The following STK32C variants were observed in gnomAD, a reference collection of about 807,000 sequenced individuals.
STK32C encodes the protein serine/threonine kinase 32C, also known as serine/threonine-protein kinase 32C.
STK32C carries 31 observed loss-of-function variants against 56.5 expected under a neutral mutation model. The observed-to-expected ratio is 0.55, with a 90% CI of 0.41 to 0.74. The LOEUF is 0.74. Among genes scored for constraint, STK32C ranks in the 30% least tolerant of loss-of-function variants. The pLI, the probability that STK32C is intolerant of heterozygous loss-of-function variation, is 0.00. For missense variants in STK32C, 544 were observed against 676.9 expected (o/e 0.80, Z 2.18); for synonymous variants, 309 against 289.4 (o/e 1.07, Z -0.69).
chr10:132,269,118 C>T (rs1565131432), intron 1 of STK32C, among the ~76,000 whole-genome samples: 1 of 148,668 alleles, frequency 6.7e-6, no homozygotes, highest in East Asian at 2.0e-4. Flanking sequence ...TGTGTGTGTG[C>T]CTGCGTGTGT....
intron 1 of STK32C, among the ~76,000 whole-genome samples, chr10:132,264,343 C>T (rs1441429074): frequency 6.6e-6 from 1 of 152,188 alleles, no homozygotes; most frequent in Non-Finnish European, 1.5e-5. Flanking sequence ...TCAGGTGGCC[C>T]CATGTGGATG....
chr10:132,277,252 C>T (rs991061955), intron 1 of STK32C, among the ~76,000 whole-genome samples: 2 of 152,110 alleles, frequency 1.3e-5, no homozygotes, highest in East Asian at 1.9e-4. Flanking sequence ...GGGCCCTCCA[C>T]GAGAGCCGCT....
intron 2 of STK32C, among the ~76,000 whole-genome samples, chr10:132,237,732 C>T (rs1355982180): frequency 6.6e-6 from 1 of 152,204 alleles, no homozygotes; most frequent in Non-Finnish European, 1.5e-5. Context: ...GCCGGCGGGG[C>T]TGGCCCGGTG....
intron 1 of STK32C, among the ~76,000 whole-genome samples, chr10:132,253,516 T>TG (rs766968704): frequency 4.1e-5 from 3 of 73,934 alleles, no homozygotes; most frequent in Non-Finnish European, 7.6e-5. Flanking sequence ...CTGAGGGAGC[T>TG]GAGGGAGCCG....
chr10:132,229,471 G>C (rs1006562435), intron 2 of STK32C, among the ~76,000 whole-genome samples: 3 of 152,224 alleles, frequency 2.0e-5, no homozygotes, highest in African/African-American at 7.2e-5. Flanking sequence ...AACTCAGCCT[G>C]GGTGACAGGG....
chr10:132,253,284 G>A (rs139340120), intron 1 of STK32C, among the ~76,000 whole-genome samples: 5,497 of 152,344 alleles, frequency 0.036, 131 homozygotes, highest in Admixed American at 0.055. Flanking sequence ...AGGTCCTGCC[G>A]GGCCTGGGAA....
rs2064311086 is a variant in STK32C at position 132,261,644 on chromosome 10, A to C, written c.263-15689T>G. Among the ~76,000 whole-genome samples, 3 of 152,188 alleles carry C rather than the reference A, an allele frequency of 2.0e-5. No individual in the cohort carries two copies. The South Asian group carries it at 6.2e-4, about 31-fold the overall frequency. The stretch of plus-strand genomic sequence containing the variant: ...GTCAGGCATGGTGGTGCACACCTGT[A>C]ATCCCAGCTAGTCAGGAGGCTGAGG... On this transcript the variant is annotated intron_variant, in intron 1 of 11. Coordinates refer to ENST00000298630, the MANE Select transcript of STK32C (RefSeq NM_173575.4).
upstream of STK32C, among the ~76,000 whole-genome samples, chr10:132,309,336 CGCCTGG>C (rs1564797974): frequency 2.0e-4 from 30 of 151,744 alleles, no homozygotes; most frequent in African/African-American, 6.8e-4. Context: ...GACATGCACC[CGCCTGG>C]ACATGCACCC....
intron 1 of STK32C, among the ~76,000 whole-genome samples, chr10:132,294,234 G>A (rs2065665863): frequency 6.6e-6 from 1 of 152,170 alleles, no homozygotes; most frequent in South Asian, 2.1e-4. Flanking sequence ...AGACGAGGAG[G>A]ATCCGCCAAG....
intron 2 of STK32C, among the ~76,000 whole-genome samples, chr10:132,243,403 G>A (rs920176116): frequency 2.0e-5 from 3 of 152,140 alleles, no homozygotes; most frequent in Non-Finnish European, 4.4e-5. Context: ...GTGGAGAGTG[G>A]GCTGGACGGA....
intron 2 of STK32C, among the ~76,000 whole-genome samples, chr10:132,241,004 C>A (rs539590070): frequency 6.6e-6 from 1 of 152,364 alleles, no homozygotes; most frequent in South Asian, 2.1e-4. Flanking sequence ...AGCATTCTGG[C>A]CGAGTGGAAA....
chr10:132,227,941 GT>G (rs1385808406), intron 3 of STK32C, 35 bp downstream of exon 3: 6 of 1,607,444 alleles, frequency 3.7e-6, no homozygotes, highest in Non-Finnish European at 4.2e-6. Flanking sequence ...CTTCAGGACG[GT>G]AAGTCTTTCT....
intron 10 of STK32C, among the ~76,000 whole-genome samples, chr10:132,217,307 C>T (rs2062503085): frequency 6.6e-6 from 1 of 152,142 alleles, no homozygotes; most frequent in Middle Eastern, 3.2e-3. Flanking sequence ...GGCCTGTAGC[C>T]CCTTTGTTTT....
At chr10:132,236,249 G>C (rs2063288573) in intron 2 of STK32C, among the ~76,000 whole-genome samples, 1 of 152,246 alleles carries the variant, frequency 6.6e-6, no homozygotes, top group Admixed American at 6.5e-5. Context: ...AAGGGACGTG[G>C]TCAATGCTGG....
At chr10:132,297,801 G>A (rs578005952) in intron 1 of STK32C, among the ~76,000 whole-genome samples, 4 of 152,360 alleles carry the variant, frequency 2.6e-5, no homozygotes, top group Admixed American at 6.5e-5. Context: ...CCCGCGGCCA[G>A]CAGCAGGTGC....
At chr10:132,212,761 C>T (rs903432848) in intron 10 of STK32C, among the ~76,000 whole-genome samples, 6 of 152,222 alleles carry the variant, frequency 3.9e-5, no homozygotes, top group African/African-American at 2.4e-5. Flanking sequence ...CGGTAAACAA[C>T]GTGGAAGGCC....
At chr10:132,293,684 G>C (rs1055062672) in intron 1 of STK32C, among the ~76,000 whole-genome samples, 3 of 152,216 alleles carry the variant, frequency 2.0e-5, no homozygotes, top group African/African-American at 4.8e-5. Context: ...GGGCCAGAGT[G>C]GGGGTGGGGA....
rs2065473710 is a variant in STK32C at position 132,288,378 on chromosome 10, C to A, written c.262+19194G>T. Among the ~76,000 whole-genome samples, 9 of 152,342 alleles carry A rather than the reference C, an allele frequency of 5.9e-5. No individual in the cohort carries two copies. In the South Asian group the frequency reaches 1.9e-3, roughly 32 times the overall value. ...TGAACTTCATCAACATTTAAAACTTCTTTCTCCAAAACCACCATTAAGAAC... is the reference window on the plus strand; with the variant it reads ...TGAACTTCATCAACATTTAAAACTTATTTCTCCAAAACCACCATTAAGAAC... On this transcript the variant is annotated intron_variant, in intron 1 of 11. Coordinates refer to ENST00000298630, the MANE Select transcript of STK32C (RefSeq NM_173575.4).
At chr10:132,268,143 T>C (rs954552361) in intron 1 of STK32C, among the ~76,000 whole-genome samples, 19 of 123,122 alleles carry the variant, frequency 1.5e-4, no homozygotes, top group African/African-American at 5.9e-4. Flanking sequence ...ATGCGTCACA[T>C]TGTGTGTGTG....
Sources: allele counts gnomAD v4.1 joint callset (sites outside exome capture counted in the v4.1 genomes callset), GRCh38; gene constraint gnomAD v4.1.1; transcripts MANE v1.5; gene names NCBI Gene and HGNC (gene_info 2026-07-23, HGNC 2026-07-21).